ACAP2: variants seen among roughly 807,000 people sequenced by gnomAD.
ACAP2 encodes the protein arf-GAP with coiled-coil, ANK repeat and PH domain-containing protein 2.
In ACAP2, 39 loss-of-function variants were observed where a neutral mutation model predicts 115.8. The observed-to-expected ratio is 0.34, with a 90% CI of 0.26 to 0.44. ACAP2 has a LOEUF of 0.44. ACAP2 is among the 20% of genes least tolerant of loss of function. The pLI is 1.00. For synonymous variants in ACAP2, 289 were observed against 315.8 expected (o/e 0.92, Z 0.90); for missense variants, 662 against 927.6 (o/e 0.71, Z 3.72).
chr3:195,413,008 A>G, intron 1 of ACAP2: 1 of 343,218 alleles, frequency 2.9e-6, no homozygotes, highest in Non-Finnish European at 6.0e-6. Flanking sequence ...GGATAAGAGG[A>G]CACAGAGTAA....
intron 9 of ACAP2, chr3:195,326,491 G>A (rs112524713): frequency 1.7e-4 from 27 of 162,674 alleles, no homozygotes; most frequent in African/African-American, 3.8e-4. Flanking sequence ...GACCAAACAC[G>A]CATGTTGACA....
In ACAP2 at chr3:195,342,381, G is replaced by GT; in HGVS notation, c.528+89dup. ...TTTTAACTTTAAGTTCAGAGTAAAAGTATTTATTCTTCTTAGGGCGATCAC... is the reference window on the plus strand; with the variant it reads ...TTTTAACTTTAAGTTCAGAGTAAAAGTTATTTATTCTTCTTAGGGCGATCAC... On this transcript the variant is annotated intron_variant, in intron 6 of 22. Coordinates refer to ENST00000326793, the MANE Select transcript of ACAP2 (RefSeq NM_012287.6). 5 of 1,259,952 alleles carry GT rather than the reference G, an allele frequency of 4.0e-6. No homozygotes were observed. The South Asian group carries it at 8.5e-5, about 21-fold the overall frequency. The allele number at this position is 1,259,952 out of a possible 1,614,324, so 78.0% of individuals were successfully genotyped here.
In ACAP2 at chr3:195,276,022, T is replaced by G. The variant is rs1469521693; in HGVS notation, c.*3306A>C. On this transcript the variant is annotated 3_prime_UTR_variant, in exon 23 of 23. Transcript: ENST00000326793. ...TCATGTCCATGATCCAAAGTGATAT[T>G]ATACACAAGTGTTATCTGACAATAT... 6.6e-6 allele frequency: 1 copy of G among 152,638 alleles called. No homozygotes were observed. Among genetic ancestry groups the G allele is most frequent in the Admixed American group, 6.5e-5 (1 of 15,274 alleles). The allele number at this position is 152,638 out of a possible 1,614,324, so 9.5% of individuals were successfully genotyped here.
At chr3:195,311,895 T>C (rs1728797410) in intron 10 of ACAP2, among the ~76,000 whole-genome samples, 1 of 152,086 alleles carries the variant, frequency 6.6e-6, no homozygotes, top group Non-Finnish European at 1.5e-5. Flanking sequence ...AGGTATCACT[T>C]TGTATCTCAA....
intron 1 of ACAP2, among the ~76,000 whole-genome samples, chr3:195,395,652 C>T (rs1711701629): frequency 6.6e-6 from 1 of 152,164 alleles, no homozygotes; most frequent in African/African-American, 2.4e-5. Flanking sequence ...TGAGTAGCTG[C>T]AAGAGAGACC....
At chr3:195,390,206 AG>A (rs1306752210) in intron 2 of ACAP2, among the ~76,000 whole-genome samples, 2 of 152,042 alleles carry the variant, frequency 1.3e-5, no homozygotes, top group African/African-American at 4.8e-5. Flanking sequence ...CAAAAAAAAA[AG>A]AAAAGGGGTT....
intron 8 of ACAP2, among the ~76,000 whole-genome samples, chr3:195,328,810 C>A (rs4677826): frequency 0.24 from 36,522 of 152,100 alleles, 5,127 homozygotes; most frequent in East Asian, 0.71. Context: ...CTGGGCGTGG[C>A]GGCTCACGCC....
Position 195,302,346 on chromosome 3 carries a change from C to T in ACAP2, c.1117-172G>A, listed in dbSNP as rs554287158. Among the ~76,000 whole-genome samples, 10 of 152,268 alleles carry T rather than the reference C, an allele frequency of 6.6e-5. No homozygotes were observed. In the South Asian group the frequency reaches 8.3e-4, roughly 13 times the overall value. On this transcript the variant is annotated intron_variant, in intron 13 of 22. Coordinates refer to ENST00000326793, the MANE Select transcript of ACAP2 (RefSeq NM_012287.6). ...CAAGGATAAAAAGATGTAGGTTCTT[C>T]CATCAGTGAGCTTTTATTCCAGTGG...
intron 4 of ACAP2, among the ~76,000 whole-genome samples, chr3:195,348,016 C>T (rs573335688): frequency 2.8e-5 from 4 of 144,528 alleles, no homozygotes; most frequent in South Asian, 4.3e-4. Context: ...GATCCTATCT[C>T]GAAAGAAAAG....
chr3:195,368,656 A>C (rs1732900750), intron 4 of ACAP2, among the ~76,000 whole-genome samples: 1 of 152,200 alleles, frequency 6.6e-6, no homozygotes, highest in African/African-American at 2.4e-5. Flanking sequence ...TCTTATTAGA[A>C]TATAATTGTT....
At chr3:195,393,796 T>C (rs1025883657) in intron 1 of ACAP2, among the ~76,000 whole-genome samples, 2 of 149,960 alleles carry the variant, frequency 1.3e-5, no homozygotes, top group African/African-American at 4.9e-5. Context: ...TTACCATATA[T>C]CCATACCATT....
chr3:195,340,250 A>G (rs532985847), intron 6 of ACAP2, among the ~76,000 whole-genome samples: 8 of 151,124 alleles, frequency 5.3e-5, no homozygotes, highest in Admixed American at 3.3e-4. Flanking sequence ...CTGGCTTACA[A>G]TGAGGAGAAT....
chr3:195,275,304 G>A lies in ACAP2; in HGVS notation c.*4024C>T, dbSNP rs1274499820. The A allele has an allele frequency of 6.6e-6, 1 of 152,206 alleles. No individual in the cohort carries two copies. The highest frequency in any genetic ancestry group is 1.5e-5 in the Non-Finnish European group (1 of 68,038). 9.4% of individuals were successfully genotyped at this position (152,206 alleles called of 1,614,324 possible). Reference sequence around the variant, plus strand: ...TCACATTTTAAGTGGATAAATTTATGTAAACAGAAAAAGATGTCCACAAAA... The same window carrying A: ...TCACATTTTAAGTGGATAAATTTATATAAACAGAAAAAGATGTCCACAAAA... On this transcript the variant is annotated 3_prime_UTR_variant, in exon 23 of 23. Transcript: ENST00000326793.
At chr3:195,290,214 T>C (rs1727149438) in intron 20 of ACAP2, among the ~76,000 whole-genome samples, 1 of 151,388 alleles carries the variant, frequency 6.6e-6, no homozygotes, top group South Asian at 2.1e-4. Context: ...AAAAAAAATT[T>C]AAAAATTAGC....
chr3:195,313,060 G>A (rs1313115027), intron 10 of ACAP2: 4 of 152,208 alleles, frequency 2.6e-5, no homozygotes, highest in African/African-American at 7.2e-5. Flanking sequence ...CAAAGGACTA[G>A]CATGATACGA....
At chr3:195,330,170 T>C (rs112255147) in intron 8 of ACAP2, among the ~76,000 whole-genome samples, 2 of 152,290 alleles carry the variant, frequency 1.3e-5, no homozygotes, top group African/African-American at 2.4e-5. Flanking sequence ...CAAATCAATA[T>C]ATTTAAGCAT....
At chr3:195,331,834 T>G (rs1022894893) in intron 8 of ACAP2, among the ~76,000 whole-genome samples, 3 of 152,140 alleles carry the variant, frequency 2.0e-5, no homozygotes, top group Non-Finnish European at 4.4e-5. Context: ...TGTATATGTA[T>G]AGAACTATTA....
chr3:195,359,789 T>C (rs1281373553), intron 4 of ACAP2, among the ~76,000 whole-genome samples: 3 of 152,158 alleles, frequency 2.0e-5, no homozygotes, highest in Non-Finnish European at 2.9e-5. Flanking sequence ...TTTTTATTAG[T>C]TTTCTTTTTG....
intron 1 of ACAP2, among the ~76,000 whole-genome samples, chr3:195,414,083 T>C (rs1020391074): frequency 6.6e-6 from 1 of 152,060 alleles, no homozygotes; most frequent in Non-Finnish European, 1.5e-5. Flanking sequence ...AATATGTCGT[T>C]AGAGAATTGC....
Sources: gnomAD v4.1 joint callset for allele counts (sites outside exome capture counted in the v4.1 genomes callset) on GRCh38, gnomAD v4.1.1 for gene constraint, MANE v1.5 for transcripts, NCBI Gene and HGNC (gene_info 2026-07-23, HGNC 2026-07-21) for gene names.